The following MDM2 variants were observed in gnomAD, a reference collection of about 807,000 sequenced individuals.
MDM2 encodes MDM2 proto-oncogene.
Under a neutral mutation model 64.3 loss-of-function variants are expected in MDM2, and 11 were observed. The ratio of observed to expected loss-of-function variants is 0.17; its 90% CI spans 0.11 to 0.28. MDM2 has a LOEUF of 0.28. MDM2 is among the 10% of genes least tolerant of loss of function. The probability of loss-of-function intolerance (pLI) is 1.00; values close to 1 mark genes in which losing one functional copy is unlikely to be tolerated. For missense variants in MDM2, 388 were observed against 577.1 expected, an observed-to-expected ratio of 0.67 and a Z score of 3.36; for synonymous variants, 194 against 192.9, an observed-to-expected ratio of 1.01 and a Z score of -0.05.
In MDM2 at chr12:68,843,295, TGA is replaced by T. The variant is rs138844063; in HGVS notation, c.*3466_*3467del. ...AGTACTAATCCCTTTGGCCATTTAT[TGA>T]GAGAGAGAGAGAGAGAGAGTAGGGT... On this transcript the variant is annotated 3_prime_UTR_variant, in exon 11 of 11. Coordinates refer to ENST00000258149, the MANE Select transcript of MDM2 (RefSeq NM_002392.6). The T allele has an allele frequency of 0.025, 4,993 of 198,816 alleles. 1 individual carries two copies. Among genetic ancestry groups the T allele is most frequent in the Middle Eastern group, 0.054 (31 of 576 alleles). 12.3% of individuals were successfully genotyped at this position (198,816 alleles called of 1,614,324 possible).
chr12:68,811,400 GA>G (rs1880877243), intron 2 of MDM2, among the ~76,000 whole-genome samples: 2 of 152,038 alleles, frequency 1.3e-5, no homozygotes. Flanking sequence ...TGCTTTGGAA[GA>G]ACTCTCCTGT....
At chr12:68,831,638 A>G (rs943351068) in intron 8 of MDM2, among the ~76,000 whole-genome samples, 5 of 152,224 alleles carry the variant, frequency 3.3e-5, no homozygotes, top group African/African-American at 1.2e-4. Context: ...TTCTGGAGCT[A>G]CGAAAAACCT....
At chr12:68,808,582 C>A (rs776281610) in intron 1 of MDM2, 91 bp downstream of exon 1, 1 of 1,576,332 alleles carries the variant, frequency 6.3e-7, no homozygotes, top group Non-Finnish European at 8.7e-7. Context: ...CCGTTCGCAG[C>A]CTTTGTGCGG....
At position 68,839,428 on chromosome 12, in the gene MDM2, A is replaced by C; in HGVS notation, c.1073A>C (p.Gln358Pro). ...SEKAKLENST[Q>P]AEEGFDVPDC... ...AAAGCCAAACTGGAAAACTCAACAC[A>C]AGCTGAAGAGGGCTTTGATGTTCCT... The change falls in exon 11 of 11, where the codon CAA becomes CCA. Residue 358 changes from glutamine to proline, a missense_variant. Gln to Pro is a moderately conservative substitution (Grantham distance 76). Around this residue, in one of 5 missense-constraint regions of MDM2, gnomAD observed 138 missense variants for 143.7 expected, o/e 0.96. Coordinates refer to ENST00000258149, the MANE Select transcript of MDM2 (RefSeq NM_002392.6). The C allele has an allele frequency of 6.2e-7, 1 of 1,613,834 alleles. No homozygotes were observed. Among genetic ancestry groups the C allele is most frequent in the Non-Finnish European group, 8.5e-7 (1 of 1,180,002 alleles).
chr12:68,815,596 T>C, intron 3 of MDM2: 1 of 405,340 alleles, frequency 2.5e-6, no homozygotes, highest in Non-Finnish European at 4.9e-6. Context: ...CTTGTACCAC[T>C]ATGCCTGGCT....
At position 68,840,405 on chromosome 12, in the gene MDM2, A is replaced by G. The variant is rs1055980836; in HGVS notation, c.*556A>G. On this transcript the variant is annotated 3_prime_UTR_variant, in exon 11 of 11. Transcript: ENST00000258149. ...GTGATCCGCCCACCTCGGCCTCCCAAAGTGCTGGGATTACAGGCATGAGCC... is the reference window on the plus strand; with the variant it reads ...GTGATCCGCCCACCTCGGCCTCCCAGAGTGCTGGGATTACAGGCATGAGCC... 5.2e-5 allele frequency: 9 copies of G among 172,948 alleles called. No individual in the cohort carries two copies. Among genetic ancestry groups the G allele is most frequent in the African/African-American group, 2.1e-4 (9 of 41,974 alleles). The allele number at this position is 172,948 out of a possible 1,614,324, so 10.7% of individuals were successfully genotyped here. A position where few individuals can be genotyped will look rare whatever the true frequency, so the allele number is the denominator to read the frequency against.
At chr12:68,832,170 A>G (rs1882849879) in intron 8 of MDM2, among the ~76,000 whole-genome samples, 1 of 152,026 alleles carries the variant, frequency 6.6e-6, no homozygotes, top group Admixed American at 6.6e-5. Context: ...AATTTCCCTC[A>G]TTTGAGAATG....
rs1880557549 is a variant in MDM2 at position 68,808,490 on chromosome 12, A to G, written c.13A>G (p.Arg5Gly). ...GCGAAAACCCCGGATGGTGAGGAGC[A>G]GGTACTGGCCCGGCAGCGAGCGGTC... MVRS[R>G]QMCNTNMSVP... is the part of the protein sequence containing the mutation. The change falls in exon 1 of 11, where the codon AGG becomes GGG. Residue 5 changes from arginine (R) to glycine (G), a missense_variant and splice_region_variant. By Grantham distance (125) the Arg-to-Gly change is moderately radical (BLOSUM62 -2). Around this residue, in one of 5 missense-constraint regions of MDM2, gnomAD observed 46 missense variants for 45.2 expected, o/e 1.02. Coordinates refer to ENST00000258149, the MANE Select transcript of MDM2 (RefSeq NM_002392.6). 6.2e-7 allele frequency: 1 copy of G among 1,614,116 alleles called. No individual in the cohort carries two copies. The highest frequency in any genetic ancestry group is 8.5e-7 in the Non-Finnish European group (1 of 1,179,980).
At position 68,808,502 on chromosome 12, in the gene MDM2, G is replaced by A. The variant is rs2136104103; in HGVS notation, c.14+11G>A. 1 of 1,614,074 alleles carries A rather than the reference G, an allele frequency of 6.2e-7. No homozygotes were observed. Among genetic ancestry groups the A allele is most frequent in the Non-Finnish European group, 8.5e-7 (1 of 1,179,972 alleles). On this transcript the variant is annotated intron_variant, in intron 1 of 10. Coordinates refer to ENST00000258149, the MANE Select transcript of MDM2 (RefSeq NM_002392.6). ...GATGGTGAGGAGCAGGTACTGGCCC[G>A]GCAGCGAGCGGTCACTTTTGGGTCT...
chr12:68,812,305 ATTTTTAAAAATCTG>A (rs948680816), intron 2 of MDM2, among the ~76,000 whole-genome samples: 6 of 152,198 alleles, frequency 3.9e-5, no homozygotes, highest in African/African-American at 1.2e-4. Context: ...GAAATAGGCA[ATTTTTAAAAATCTG>A]TTTTTAAGGC....
At chr12:68,810,433 A>G (rs1044930872) in intron 2 of MDM2, among the ~76,000 whole-genome samples, 2 of 152,054 alleles carry the variant, frequency 1.3e-5, no homozygotes, top group Non-Finnish European at 1.5e-5. Context: ...ACTCCTGCCA[A>G]TACTGAATAT....
At chr12:68,823,644 T>C (rs147655204) in intron 5 of MDM2, among the ~76,000 whole-genome samples, 213 of 152,354 alleles carry the variant, frequency 1.4e-3, no homozygotes, top group African/African-American at 4.8e-3. Context: ...GCCCTCTTTT[T>C]CTTATGTTTT....
At chr12:68,816,408 T>C (rs1881383521) in intron 3 of MDM2, among the ~76,000 whole-genome samples, 1 of 135,736 alleles carries the variant, frequency 7.4e-6, no homozygotes, top group Non-Finnish European at 1.6e-5. Flanking sequence ...AGTCTCACTC[T>C]GTTGCTTAAG....
At chr12:68,833,149 A>AAAATATATATAT (rs1555187768) in intron 8 of MDM2, among the ~76,000 whole-genome samples, 10 of 65,976 alleles carry the variant, frequency 1.5e-4, no homozygotes, top group African/African-American at 6.1e-4. Flanking sequence ...AAAAAAAAAA[A>AAAATATATATAT]ATATATATAT....
intron 10 of MDM2, among the ~76,000 whole-genome samples, chr12:68,837,107 C>T (rs944692433): frequency 1.3e-5 from 2 of 151,366 alleles, no homozygotes; most frequent in African/African-American, 4.9e-5. Context: ...GCATGCACCA[C>T]TATACCCCAC....
At position 68,828,899 on chromosome 12, in the gene MDM2, A is replaced by G. The variant is rs780006768; in HGVS notation, c.652A>G (p.Ser218Gly). The change falls in exon 8 of 11, where the codon AGC (serine) becomes GGC (glycine). Residue 218 changes from serine to glycine, a missense_variant. This residue lies in a region of MDM2 where 168 missense variants were observed against 236.6 expected (regional missense o/e 0.71). Coordinates refer to ENST00000258149, the MANE Select transcript of MDM2 (RefSeq NM_002392.6). ...IREICCERSS[S>G]SESTGTPSNP... is the part of the protein sequence containing the mutation. ...GGAGATATGTTGTGAAAGAAGCAGTAGCAGTGAATCTACAGGGACGCCATC... is the reference window on the plus strand; with the variant it reads ...GGAGATATGTTGTGAAAGAAGCAGTGGCAGTGAATCTACAGGGACGCCATC... The G allele has an allele frequency of 1.1e-5, 18 of 1,613,974 alleles. No individual in the cohort carries two copies. The highest frequency in any genetic ancestry group is 1.5e-5 in the Non-Finnish European group (18 of 1,179,998).
At chr12:68,833,663 C>T (rs1443883124) in intron 8 of MDM2, among the ~76,000 whole-genome samples, 1 of 151,872 alleles carries the variant, frequency 6.6e-6, no homozygotes, top group African/African-American at 2.4e-5. Flanking sequence ...AGCTACTCAG[C>T]CCCGCTCTTG....
Position 68,844,946 on chromosome 12 carries a change from C to G in MDM2, c.*5097C>G, listed in dbSNP as rs1013389229. 3 of 194,538 alleles carry G rather than the reference C, an allele frequency of 1.5e-5. No homozygotes were observed. The highest frequency in any genetic ancestry group is 7.0e-5 in the African/African-American group (3 of 43,084). 12.1% of individuals were successfully genotyped at this position (194,538 alleles called of 1,614,324 possible). A position where few individuals can be genotyped will look rare whatever the true frequency, so the allele number is the denominator to read the frequency against. On this transcript the variant is annotated 3_prime_UTR_variant, in exon 11 of 11. Coordinates refer to ENST00000258149, the MANE Select transcript of MDM2 (RefSeq NM_002392.6). ...CCACGCCCCGCTAATTTTTGTATTTCTAGCAGAGATGAAGTTTCACTATGT... is the reference window on the plus strand; with the variant it reads ...CCACGCCCCGCTAATTTTTGTATTTGTAGCAGAGATGAAGTTTCACTATGT...
At chr12:68,838,237 A>T (rs1043645032) in intron 10 of MDM2, among the ~76,000 whole-genome samples, 1 of 152,182 alleles carries the variant, frequency 6.6e-6, no homozygotes, top group African/African-American at 2.4e-5. Flanking sequence ...AATACCTCTT[A>T]CTTAAGAGTT....
Sources: gnomAD v4.1 joint callset for allele counts (sites outside exome capture counted in the v4.1 genomes callset) on GRCh38, gnomAD v4.1.1 for gene constraint, gnomAD v4.1.1 regional missense constraint, MANE v1.5 for transcripts, NCBI Gene and HGNC (gene_info 2026-07-23, HGNC 2026-07-21) for gene names.